The following PCDHA3 variants were observed in gnomAD, a reference collection of about 807,000 sequenced individuals.
PCDHA3 encodes the protein protocadherin alpha-3.
PCDHA3 carries 41 observed loss-of-function variants against 62.2 expected under a neutral mutation model. That is an observed-to-expected ratio of 0.66 (90% CI 0.51 to 0.86). The LOEUF is 0.86. PCDHA3 is among the 40% of genes least tolerant of loss of function. The pLI is 0.00. For synonymous variants in PCDHA3, 640 were observed against 555.4 expected (o/e 1.15, Z -2.14); for missense variants, 1,304 against 1,241.2 (o/e 1.05, Z -0.76).
In PCDHA3 at chr5:140,802,825, C is replaced by T. The variant is rs374629500; in HGVS notation, c.1628C>T (p.Pro543Leu). 2.5e-6 allele frequency: 4 copies of T among 1,613,590 alleles called. No individual in the cohort carries two copies. Among genetic ancestry groups the T allele is most frequent in the Non-Finnish European group, 2.5e-6 (3 of 1,179,902 alleles). The change falls in exon 1 of 4, where the codon CCG (proline) becomes CTG (leucine). Residue 543 changes from proline (P) to leucine (L), a missense_variant. Pro to Leu is a moderately conservative substitution (Grantham distance 98, BLOSUM62 -3). Transcript: ENST00000522353. ...FQVSARDAGVPPLGSNVTLQV... is the reference protein window; with the variant it reads ...FQVSARDAGVLPLGSNVTLQV... ...GTGAGTGCGCGCGATGCGGGCGTGC[C>T]GCCTCTGGGCAGCAACGTGACGCTG...
chr5:140,870,614 C>T, intron 1 of PCDHA3: 2 of 1,613,212 alleles, frequency 1.2e-6, no homozygotes, highest in Non-Finnish European at 1.7e-6. Context: ...CGCGCGCTGT[C>T]GAGCTACGTG....
At chr5:140,824,106 G>A in intron 1 of PCDHA3, 1 of 1,614,086 alleles carries the variant, frequency 6.2e-7, no homozygotes, top group Non-Finnish European at 8.5e-7. Context: ...GCCTTCCTCA[G>A]GGTCCCACCT....
At chr5:140,830,998 TA>T (rs1184514649) in intron 1 of PCDHA3, 3 of 152,294 alleles carry the variant, frequency 2.0e-5, no homozygotes, top group Admixed American at 6.5e-5. Flanking sequence ...TCATAGTTTT[TA>T]TCTGTGGTTC....
chr5:140,869,184 G>A (rs1554162580), intron 1 of PCDHA3: 44 of 1,613,836 alleles, frequency 2.7e-5, no homozygotes, highest in Non-Finnish European at 3.7e-5. Flanking sequence ...GGGAGGTGGG[G>A]AGCGGCCAGC....
chr5:140,829,606 G>T (rs2150171112), intron 1 of PCDHA3: 9 of 1,611,952 alleles, frequency 5.6e-6, no homozygotes, highest in African/African-American at 1.3e-5. Context: ...GCGCGTTGTC[G>T]AGCTACATTT....
At chr5:140,879,483 T>C (rs2153367251) in intron 1 of PCDHA3, among the ~76,000 whole-genome samples, 1 of 152,292 alleles carries the variant, frequency 6.6e-6, no homozygotes, top group Non-Finnish European at 1.5e-5. Context: ...TGATTGGAAA[T>C]ATGGGTCTGG....
rs191892568 is a variant in PCDHA3, at chr5:140,903,945, C to T, written c.2395-75004C>T. 2.6e-5 allele frequency among the ~76,000 whole-genome samples: 4 copies of T among 152,280 alleles called. No homozygotes were observed. In the East Asian group the frequency reaches 5.8e-4, roughly 22 times the overall value. ...TGCATTGGATAATACCTCTTAAATA[C>T]TGGAAAATTATTTGTTGATTTTTGG... On this transcript the variant is annotated intron_variant, in intron 1 of 3. Transcript: ENST00000522353.
At chr5:140,928,307 C>T in intron 1 of PCDHA3, 1 of 1,614,150 alleles carries the variant, frequency 6.2e-7, no homozygotes, top group Non-Finnish European at 8.5e-7. Context: ...GCCCAGGACC[C>T]CGACCTGGGG....
chr5:140,807,981 A>G, intron 1 of PCDHA3: 2 of 1,613,816 alleles, frequency 1.2e-6, no homozygotes, highest in African/African-American at 2.7e-5. Flanking sequence ...ATTAAACTTA[A>G]CGCCTCAGAT....
At chr5:140,917,259 T>C (rs1246984274) in intron 1 of PCDHA3, among the ~76,000 whole-genome samples, 2 of 151,338 alleles carry the variant, frequency 1.3e-5, no homozygotes, top group East Asian at 3.9e-4. Flanking sequence ...GCTCACCTGA[T>C]GTTTGGTTTT....
At chr5:140,828,668 G>A (rs2150157803) in intron 1 of PCDHA3, 1 of 1,614,160 alleles carries the variant, frequency 6.2e-7, no homozygotes, top group East Asian at 2.2e-5. Context: ...TAAACAAATT[G>A]GGCTCTTATT....
At position 140,857,968 on chromosome 5, in the gene PCDHA3, C is replaced by T. The variant is rs782482021; in HGVS notation, c.2394+54377C>T. The T allele has an allele frequency of 5.8e-5, 93 of 1,597,052 alleles. 13 individuals are homozygous for T. The Middle Eastern group carries it at 6.7e-4, about 11-fold the overall frequency. ...CGACGCGCGCTCTGGATGAGACTGA[C>T]TCGCCACGCCAGCGCCTACTGGTGC... On this transcript the variant is annotated intron_variant, in intron 1 of 3. Coordinates refer to ENST00000522353, the MANE Select transcript of PCDHA3 (RefSeq NM_018906.3).
intron 1 of PCDHA3, among the ~76,000 whole-genome samples, chr5:140,976,117 G>C (rs782098917): frequency 5.4e-4 from 82 of 152,208 alleles, no homozygotes; most frequent in Admixed American, 1.4e-3. Flanking sequence ...ATTTTTCCAA[G>C]TTTAATCAAG....
chr5:140,903,513 T>C (rs2070347965), intron 1 of PCDHA3, among the ~76,000 whole-genome samples: 2 of 152,216 alleles, frequency 1.3e-5, no homozygotes, highest in South Asian at 2.1e-4. Flanking sequence ...AATAGTTCTA[T>C]TGTGTTGTTC....
chr5:140,854,011 A>T (rs1218448806), intron 1 of PCDHA3: 1 of 394,286 alleles, frequency 2.5e-6, no homozygotes, highest in Non-Finnish European at 3.6e-6. Context: ...AAAAAAAAAA[A>T]ATTAGCCGGG....
Position 140,889,022 on chromosome 5 carries a change from G to A in PCDHA3, c.2394+85431G>A, listed in dbSNP as rs183317307. Among the ~76,000 whole-genome samples the A allele has an allele frequency of 5.5e-3, 837 of 151,922 alleles. 11 individuals are homozygous for A. The highest frequency in any genetic ancestry group is 0.019 in the African/African-American group (781 of 41,426). ...TGGCAAACCAACCTCTACTTCCTTG[G>A]ATAACCGTAATTTGATTATAATTTA... On this transcript the variant is annotated intron_variant, in intron 1 of 3. Coordinates refer to ENST00000522353, the MANE Select transcript of PCDHA3 (RefSeq NM_018906.3).
At chr5:140,918,967 C>T (rs1461992761) in intron 1 of PCDHA3, among the ~76,000 whole-genome samples, 1 of 152,164 alleles carries the variant, frequency 6.6e-6, no homozygotes, top group Non-Finnish European at 1.5e-5. Context: ...AGACAGATAT[C>T]GTTTAGGTTA....
At chr5:140,823,122 C>A in intron 1 of PCDHA3, 1 of 1,614,050 alleles carries the variant, frequency 6.2e-7, no homozygotes, top group Non-Finnish European at 8.5e-7. Context: ...ACGTGAACGA[C>A]AACGCTCCGG....
chr5:140,850,537 G>T (rs115218749), intron 1 of PCDHA3: 1 of 1,598,212 alleles, frequency 6.3e-7, no homozygotes, highest in Non-Finnish European at 8.6e-7. Context: ...TCATCGTCGC[G>T]GGCGTCAGTG....
Sources: gnomAD v4.1 joint callset for allele counts (sites outside exome capture counted in the v4.1 genomes callset) on GRCh38, gnomAD v4.1.1 for gene constraint, MANE v1.5 for transcripts, NCBI Gene and HGNC (gene_info 2026-07-23, HGNC 2026-07-21) for gene names.